RIMKLA: variants seen among roughly 807,000 people sequenced by gnomAD.
RIMKLA encodes the protein N-acetylaspartylglutamate synthase A.
A neutral mutation model predicts 32.7 loss-of-function variants in RIMKLA; 14 were observed. That is an observed-to-expected ratio of 0.43 (90% CI 0.28 to 0.67). The LOEUF is 0.67. Among genes scored for constraint, RIMKLA ranks in the 30% least tolerant of loss-of-function variants. The pLI, the probability that RIMKLA is intolerant of heterozygous loss-of-function variation, is 0.18. For synonymous variants in RIMKLA, 176 were observed against 204.1 expected, an observed-to-expected ratio of 0.86 and a Z score of 1.18; for missense variants, 410 against 519.0, an observed-to-expected ratio of 0.79 and a Z score of 2.04.
In RIMKLA at chr1:42,399,609, C is replaced by T. The variant is rs1475326472; in HGVS notation, c.369C>T (p.Val123=). ...TCCAAGAACTGGCTGGACATGGGGT[C>T]CCCATGCCAGACACCTTCTCCTATG... The part of the protein sequence containing the change: ...WTFQELAGHG[V]PMPDTFSYGG... Residue 123 remains valine (V), a synonymous_variant, in exon 2 of 5, where the codon GTC becomes GTT. Transcript: ENST00000431473. 1.1e-5 allele frequency: 17 copies of T among 1,609,264 alleles called. No homozygotes were observed. The highest frequency in any genetic ancestry group is 1.4e-5 in the Non-Finnish European group (17 of 1,177,698).
rs960832990 is a variant in RIMKLA at position 42,401,351 on chromosome 1, T to C, written c.394+1717T>C. ...GGGAATGGGTACAGGAAGAGGAATC[T>C]ATAAAAGAAACTAATCACTTGAGCC... On this transcript the variant is annotated intron_variant, in intron 2 of 4. Coordinates refer to ENST00000431473, the MANE Select transcript of RIMKLA (RefSeq NM_173642.4). Among the ~76,000 whole-genome samples, 4 of 151,186 alleles carry C rather than the reference T, an allele frequency of 2.6e-5. No homozygotes were observed. In the Admixed American group the frequency reaches 2.7e-4, roughly 10 times the overall value.
Position 42,381,096 on chromosome 1 carries a change from C to G in RIMKLA, c.162C>G (p.Leu54=). 8.0e-7 allele frequency: 1 copy of G among 1,249,546 alleles called. No individual in the cohort carries two copies. The highest frequency in any genetic ancestry group is 1.0e-6 in the Non-Finnish European group (1 of 993,904). The allele number at this position is 1,249,546 out of a possible 1,614,324, so 77.4% of individuals were successfully genotyped here. Residue 54 remains leucine, a splice_region_variant and synonymous_variant, in exon 1 of 5, where the codon CTC becomes CTG. Transcript: ENST00000431473. ...CCGTCACCATCGTCGGCGGCCACCT[C>G]GGTGAGCGAGGCGGGCCCGGGGAGG... is the stretch of plus-strand genomic sequence containing the variant. ...QIAVTIVGGH[L]GLQLNQKALT...
At position 42,415,101 on chromosome 1, in the gene RIMKLA, T is replaced by C; in HGVS notation, c.*127T>C. On this transcript the variant is annotated 3_prime_UTR_variant, in exon 5 of 5. Coordinates refer to ENST00000431473, the MANE Select transcript of RIMKLA (RefSeq NM_173642.4). ...AGAAATCCCATCTGGGCACTCAGCA[T>C]TTTTTCTAACGATGATTTAAGCAAA... 1 of 1,065,842 alleles carries C rather than the reference T, an allele frequency of 9.4e-7. No individual in the cohort carries two copies. Among genetic ancestry groups the C allele is most frequent in the South Asian group, 1.6e-5 (1 of 62,048 alleles). 66.0% of individuals were successfully genotyped at this position (1,065,842 alleles called of 1,614,324 possible). A position where few individuals can be genotyped will look rare whatever the true frequency, so the allele number is the denominator to read the frequency against.
chr1:42,389,535 G>A (rs1168427152), intron 1 of RIMKLA, among the ~76,000 whole-genome samples: 1 of 152,212 alleles, frequency 6.6e-6, no homozygotes, highest in Non-Finnish European at 1.5e-5. Flanking sequence ...TGCTAGGCCA[G>A]ACACAGTGAC....
intron 1 of RIMKLA, among the ~76,000 whole-genome samples, chr1:42,386,267 C>A (rs946974213): frequency 6.6e-6 from 1 of 151,856 alleles, no homozygotes; most frequent in African/African-American, 2.4e-5. Flanking sequence ...TACCAGAACA[C>A]TTCCACCAAA....
chr1:42,384,614 T>C (rs1642921043), intron 1 of RIMKLA, among the ~76,000 whole-genome samples: 1 of 83,344 alleles, frequency 1.2e-5, no homozygotes, highest in Non-Finnish European at 2.4e-5. Flanking sequence ...TATGTATATA[T>C]ATACTATATA....
At chr1:42,395,111 G>A (rs2148387531) in intron 1 of RIMKLA, among the ~76,000 whole-genome samples, 1 of 152,116 alleles carries the variant, frequency 6.6e-6, no homozygotes, top group South Asian at 2.1e-4. Flanking sequence ...AGTTATCCTG[G>A]TTTTCTATCT....
rs1246047760 is a variant in RIMKLA at position 42,404,359 on chromosome 1, TATA to T, written c.395-149_395-147del. 6 of 628,534 alleles carry T rather than the reference TATA, an allele frequency of 9.5e-6. 1 individual carries two copies. The highest frequency in any genetic ancestry group is 1.7e-5 in the Non-Finnish European group (6 of 345,390). 38.9% of individuals were successfully genotyped at this position (628,534 alleles called of 1,614,324 possible). On this transcript the variant is annotated intron_variant, in intron 2 of 4. Transcript: ENST00000431473. ...GCTCCCACCTTTTACCTTGCAGGTA[TATA>T]ATGTGTGTCTGTTGAATCAACTGGG...
rs1643316429 is a variant in RIMKLA at position 42,424,015 on chromosome 1, T to C, written c.*9041T>C. 6.6e-6 allele frequency among the ~76,000 whole-genome samples: 1 copy of C among 152,144 alleles called. No homozygotes were observed. Among genetic ancestry groups the C allele is most frequent in the African/African-American group, 2.4e-5 (1 of 41,434 alleles). On this transcript the variant is annotated 3_prime_UTR_variant, in exon 5 of 5. Coordinates refer to ENST00000431473, the MANE Select transcript of RIMKLA (RefSeq NM_173642.4). ...GCACTTGTGTCACATCTAAAGGCAC[T>C]CCTCTGACTAAAGAGAAGTGGCAGC...
intron 1 of RIMKLA, among the ~76,000 whole-genome samples, chr1:42,388,864 T>G (rs1216676202): frequency 6.6e-6 from 1 of 152,102 alleles, no homozygotes; most frequent in Non-Finnish European, 1.5e-5. Context: ...GCCTAATGGG[T>G]CACGGAGTCA....
Position 42,417,769 on chromosome 1 carries a change from A to G in RIMKLA, c.*2795A>G, listed in dbSNP as rs1643262251. On this transcript the variant is annotated 3_prime_UTR_variant, in exon 5 of 5. Transcript: ENST00000431473. ...TCAGGAGATTGAGACCATTCTGGCT[A>G]ACACAGTGAACAAAAAATTAGTCGG... is the stretch of plus-strand genomic sequence containing the variant. 6.6e-6 allele frequency: 1 copy of G among 152,256 alleles called. No individual in the cohort carries two copies. The highest frequency in any genetic ancestry group is 1.9e-4 in the East Asian group (1 of 5,192). 9.4% of individuals were successfully genotyped at this position (152,256 alleles called of 1,614,324 possible).
intron 1 of RIMKLA, among the ~76,000 whole-genome samples, chr1:42,384,542 T>C (rs1642918631): frequency 1.4e-5 from 2 of 144,312 alleles, no homozygotes; most frequent in Admixed American, 1.4e-4. Context: ...CATATATATG[T>C]ATATATATGT....
At chr1:42,398,204 G>A (rs1418921891) in intron 1 of RIMKLA, among the ~76,000 whole-genome samples, 1 of 152,168 alleles carries the variant, frequency 6.6e-6, no homozygotes. Context: ...CTGTCTCCTG[G>A]AGTTTTAGAA....
At chr1:42,392,863 G>A (rs1192345101) in intron 1 of RIMKLA, among the ~76,000 whole-genome samples, 1 of 152,054 alleles carries the variant, frequency 6.6e-6, no homozygotes, top group Non-Finnish European at 1.5e-5. Flanking sequence ...ATGGTGGCTC[G>A]TGCCTGTAGT....
chr1:42,395,415 A>G (rs1643035112), intron 1 of RIMKLA, among the ~76,000 whole-genome samples: 2 of 150,326 alleles, frequency 1.3e-5, no homozygotes, highest in African/African-American at 2.5e-5. Flanking sequence ...AGCCCACCCC[A>G]TGAGTCTGGG....
Position 42,380,899 on chromosome 1 carries a change from G to A in RIMKLA, c.-36G>A, listed in dbSNP as rs1642880602. On this transcript the variant is annotated 5_prime_UTR_variant, in exon 1 of 5. Transcript: ENST00000431473. ...GAGCGAGCGGCCCGGGGCGCCGAGGGGTCCGCGCCGCGCGGGGCGCACCGC... is the reference window on the plus strand; with the variant it reads ...GAGCGAGCGGCCCGGGGCGCCGAGGAGTCCGCGCCGCGCGGGGCGCACCGC... 7.7e-7 allele frequency: 1 copy of A among 1,293,766 alleles called. No individual in the cohort carries two copies. Among genetic ancestry groups the A allele is most frequent in the Non-Finnish European group, 9.8e-7 (1 of 1,022,366 alleles). The allele number at this position is 1,293,766 out of a possible 1,614,324, so 80.1% of individuals were successfully genotyped here.
Position 42,410,457 on chromosome 1 carries a change from G to A in RIMKLA, c.685+270G>A, listed in dbSNP as rs546396327. On this transcript the variant is annotated intron_variant, in intron 4 of 4. Transcript: ENST00000431473. The stretch of plus-strand genomic sequence containing the variant: ...AAGACTTAAAAAGGGAGTGACATGA[G>A]GACCAACGTTGGAGAAAAACTCCCA... Among the ~76,000 whole-genome samples, 97 of 152,206 alleles carry A rather than the reference G, an allele frequency of 6.4e-4. 1 individual carries two copies. The South Asian group carries it at 0.013, about 21-fold the overall frequency.
rs1379972125 is a variant in RIMKLA at position 42,414,953 on chromosome 1, T to C, written c.1155T>C (p.Ala385=). ...GCTACAACATTAACAACAGGATTGC[T>C]TCTGAGTTAAAACTTAAGTGAATTC... is the stretch of plus-strand genomic sequence containing the variant. ...EPGYNINNRI[A]SELKLK is the part of the protein sequence containing the mutation. Residue 385 remains alanine, a synonymous_variant, in exon 5 of 5, where the codon GCT becomes GCC. Transcript: ENST00000431473. 2 of 1,610,458 alleles carry C rather than the reference T, an allele frequency of 1.2e-6. No individual in the cohort carries two copies. The highest frequency in any genetic ancestry group is 1.7e-6 in the Non-Finnish European group (2 of 1,178,306).
In RIMKLA at chr1:42,415,272, CTT is replaced by C. The variant is rs1332561700; in HGVS notation, c.*301_*302del. The C allele has an allele frequency of 6.6e-6, 2 of 301,708 alleles. No individual in the cohort carries two copies. The highest frequency in any genetic ancestry group is 2.2e-5 in the African/African-American group (1 of 46,402). 18.7% of individuals were successfully genotyped at this position (301,708 alleles called of 1,614,324 possible). A position where few individuals can be genotyped will look rare whatever the true frequency, so the allele number is the denominator to read the frequency against. ...GCACTGACTCTGCTGTTGCTTCTGA[CTT>C]TTAGCAGTAGAACCCATTAGCTCAA... On this transcript the variant is annotated 3_prime_UTR_variant, in exon 5 of 5. Transcript: ENST00000431473.
Sources: gnomAD v4.1 joint callset for allele counts (sites outside exome capture counted in the v4.1 genomes callset) on GRCh38, gnomAD v4.1.1 for gene constraint, MANE v1.5 for transcripts, NCBI Gene and HGNC (gene_info 2026-07-23, HGNC 2026-07-21) for gene names.